The following DRC11 variants were observed in gnomAD, a reference collection of about 807,000 sequenced individuals.
DRC11 encodes the protein dynein regulatory complex subunit 11, also known as IQ and AAA domain-containing protein 1.
chr2:236,356,143 CAAGCAGAGGGGAGGA>C, the DRC11 span, among the ~76,000 whole-genome samples: 1 of 151,840 alleles, frequency 6.6e-6, no homozygotes, highest in Non-Finnish European at 1.5e-5. Flanking sequence ...GCCAGGTCAC[CAAGCAGAGGGGAGGA>C]AAGCAGAACC....
the DRC11 span, among the ~76,000 whole-genome samples, chr2:236,409,463 C>A: frequency 3.3e-5 from 5 of 152,020 alleles, no homozygotes; most frequent in African/African-American, 1.2e-4. Context: ...GATTTTGTAT[C>A]CTGAGACTTT....
At chr2:236,394,583 A>G in the DRC11 span, among the ~76,000 whole-genome samples, 1 of 151,330 alleles carries the variant, frequency 6.6e-6, no homozygotes, top group Non-Finnish European at 1.5e-5. This position sits in a 1 kb window ranked among gnomAD's most constrained non-coding sequence, Gnocchi z 7.0. Flanking sequence ...GTGAGCTGAG[A>G]CTCCAGCCTA....
chr2:236,326,793 TG>T, the DRC11 span, among the ~76,000 whole-genome samples: 6 of 7,264 alleles, frequency 8.3e-4, no homozygotes, highest in African/African-American at 4.5e-3. Flanking sequence ...TCAGATTTGT[TG>T]TGTGTGTGTG....
chr2:236,325,766 C>A, the DRC11 span, among the ~76,000 whole-genome samples: 2 of 152,160 alleles, frequency 1.3e-5, no homozygotes, highest in African/African-American at 4.8e-5. The surrounding 1 kb of genome is among the most constrained non-coding windows in gnomAD (Gnocchi z 4.4). Context: ...CCACACCCAG[C>A]TAATTTTTGT....
chr2:236,452,375 TTC>T, the DRC11 span, among the ~76,000 whole-genome samples: 3 of 152,232 alleles, frequency 2.0e-5, no homozygotes, highest in Non-Finnish European at 4.4e-5. The surrounding 1 kb of genome is among the most constrained non-coding windows in gnomAD (Gnocchi z 4.7). Flanking sequence ...TTATCTGTGT[TTC>T]ATCAAGTATG....
chr2:236,338,485 T>C, the DRC11 span: 6 of 1,060,572 alleles, frequency 5.7e-6, no homozygotes, highest in Admixed American at 7.3e-5. Flanking sequence ...GTTAAAGTGA[T>C]TGCAAAGCTC....
chr2:236,356,438 C>T, the DRC11 span, among the ~76,000 whole-genome samples: 12 of 152,326 alleles, frequency 7.9e-5, no homozygotes, highest in East Asian at 2.3e-3. Context: ...GTGGAGGGCA[C>T]ATCCTCCCAC....
chr2:236,442,804 T>A, the DRC11 span, among the ~76,000 whole-genome samples: 552 of 152,310 alleles, frequency 3.6e-3, 3 homozygotes, highest in African/African-American at 0.012. Flanking sequence ...CAAAATCATA[T>A]TTTTTTCTGG....
At chr2:236,330,005 T>C in the DRC11 span, among the ~76,000 whole-genome samples, 2 of 152,182 alleles carry the variant, frequency 1.3e-5, no homozygotes, top group Non-Finnish European at 2.9e-5. The surrounding 1 kb of genome is among the most constrained non-coding windows in gnomAD (Gnocchi z 5.5). Flanking sequence ...CCACACCTTA[T>C]CATCTAACTC....
chr2:236,483,736 G>A, the DRC11 span, among the ~76,000 whole-genome samples: 81 of 152,298 alleles, frequency 5.3e-4, no homozygotes, highest in Middle Eastern at 3.4e-3. This position sits in a 1 kb window ranked among gnomAD's most constrained non-coding sequence, Gnocchi z 4.8. Context: ...AAAACTAAAC[G>A]AACTTGCCGT....
the DRC11 span, among the ~76,000 whole-genome samples, chr2:236,403,745 T>C: frequency 6.6e-6 from 1 of 152,150 alleles, no homozygotes; most frequent in Non-Finnish European, 1.5e-5. Flanking sequence ...CCTACCTATT[T>C]ACCTGTGAAC....
chr2:236,402,280 G>A, the DRC11 span, among the ~76,000 whole-genome samples: 9 of 152,210 alleles, frequency 5.9e-5, no homozygotes, highest in African/African-American at 9.6e-5. The surrounding 1 kb of genome is among the most constrained non-coding windows in gnomAD (Gnocchi z 6.0). Flanking sequence ...CTGAGACCAC[G>A]GGTTACCAGC....
At chr2:236,453,260 T>A in the DRC11 span, among the ~76,000 whole-genome samples, 1 of 152,222 alleles carries the variant, frequency 6.6e-6, no homozygotes, top group East Asian at 1.9e-4. The surrounding 1 kb of genome is among the most constrained non-coding windows in gnomAD (Gnocchi z 4.9). Flanking sequence ...AAAGAAGTAA[T>A]CTTTTACAAG....
At chr2:236,390,858 T>G in the DRC11 span, among the ~76,000 whole-genome samples, 2 of 152,196 alleles carry the variant, frequency 1.3e-5, no homozygotes, top group Non-Finnish European at 2.9e-5. This position sits in a 1 kb window ranked among gnomAD's most constrained non-coding sequence, Gnocchi z 5.9. Flanking sequence ...TGGGTTTCAC[T>G]GGCCTGGTGC....
At chr2:236,366,366 A>G in the DRC11 span, among the ~76,000 whole-genome samples, 1 of 152,218 alleles carries the variant, frequency 6.6e-6, no homozygotes, top group Non-Finnish European at 1.5e-5. Flanking sequence ...GGTGATCTAA[A>G]CAACTGGAGC....
chr2:236,502,780 C>T, the DRC11 span, among the ~76,000 whole-genome samples: 37 of 151,340 alleles, frequency 2.4e-4, no homozygotes, highest in Middle Eastern at 0.01. Context: ...AAGAGACAAA[C>T]CCTGTCTCTA....
At chr2:236,361,160 TAG>T in the DRC11 span, among the ~76,000 whole-genome samples, 1 of 152,130 alleles carries the variant, frequency 6.6e-6, no homozygotes, top group Non-Finnish European at 1.5e-5. This position sits in a 1 kb window ranked among gnomAD's most constrained non-coding sequence, Gnocchi z 5.7. Context: ...AATGGGCGGA[TAG>T]AGAACTACAG....
At chr2:236,434,051 C>T in the DRC11 span, among the ~76,000 whole-genome samples, 1 of 152,172 alleles carries the variant, frequency 6.6e-6, no homozygotes, top group South Asian at 2.1e-4. This position sits in a 1 kb window ranked among gnomAD's most constrained non-coding sequence, Gnocchi z 5.5. Context: ...TAATACGATG[C>T]GGTGCATTCA....
chr2:236,356,539 G>A, the DRC11 span, among the ~76,000 whole-genome samples: 2 of 152,218 alleles, frequency 1.3e-5, no homozygotes, highest in Admixed American at 6.5e-5. Context: ...GAAATCCAGA[G>A]GTCAGACCTC....
Sources: allele counts gnomAD v4.1 joint callset (sites outside exome capture counted in the v4.1 genomes callset), GRCh38; gene constraint gnomAD v4.1.1; non-coding constraint Gnocchi (gnomAD v3.1); transcripts MANE v1.5; gene names NCBI Gene and HGNC (gene_info 2026-07-23, HGNC 2026-07-21).